Variants in TIPRL observed in about 807,000 individuals in gnomAD.
TIPRL encodes TIP41-like protein.
A neutral mutation model predicts 32.3 loss-of-function variants in TIPRL; 10 were observed. The observed-to-expected ratio is 0.31, with a 90% CI of 0.19 to 0.52. The LOEUF is 0.52. Ranked by LOEUF, TIPRL falls within the 20% of genes least tolerant of loss-of-function variation. TIPRL has a pLI of 0.96. For missense variants in TIPRL, 250 were observed against 328.1 expected (o/e 0.76, Z 1.84); for synonymous variants, 100 against 114.0 (o/e 0.88, Z 0.78).
At chr1:168,187,537 AGCTCAG>A (rs886687878) in intron 3 of TIPRL, among the ~76,000 whole-genome samples, 1 of 152,256 alleles carries the variant, frequency 6.6e-6, no homozygotes, top group African/African-American at 2.4e-5. Context: ...GGTGGTAATG[AGCTCAG>A]GCTTTGGCAA....
chr1:168,190,329 C>G (rs1179833319), intron 3 of TIPRL, among the ~76,000 whole-genome samples: 1 of 152,298 alleles, frequency 6.6e-6, no homozygotes, highest in East Asian at 1.9e-4. Context: ...TTTTTTACCT[C>G]CTGGAAATCA....
At chr1:168,197,269 G>A (rs767113971) in intron 5 of TIPRL, among the ~76,000 whole-genome samples, 3 of 143,118 alleles carry the variant, frequency 2.1e-5, no homozygotes, top group Non-Finnish European at 4.5e-5. Context: ...CAGTGACAGA[G>A]CAAGACCCTG....
At position 168,178,974 on chromosome 1, in the gene TIPRL, C is replaced by A; in HGVS notation, c.-104C>A. The A allele has an allele frequency of 9.6e-7, 1 of 1,039,682 alleles. No individual in the cohort carries two copies. Among genetic ancestry groups the A allele is most frequent in the Non-Finnish European group, 1.4e-6 (1 of 725,626 alleles). 64.4% of individuals were successfully genotyped at this position (1,039,682 alleles called of 1,614,324 possible). A position where few individuals can be genotyped will look rare whatever the true frequency, so the allele number is the denominator to read the frequency against. On this transcript the variant is annotated 5_prime_UTR_variant, in exon 1 of 7. Coordinates refer to ENST00000367833, the MANE Select transcript of TIPRL (RefSeq NM_152902.5). ...GGCGGGGCCGGGCATGGTAACGGCT[C>A]GGAAGCCTAGGAGGCTGGGCCGGAG... is the stretch of plus-strand genomic sequence containing the variant.
chr1:168,191,280 A>G, intron 3 of TIPRL, 89 bp from the exon 4 acceptor site: 2 of 1,259,884 alleles, frequency 1.6e-6, no homozygotes, highest in Admixed American at 2.9e-5. Context: ...AGACTGATTG[A>G]AAAAGAAAAG....
intron 4 of TIPRL, among the ~76,000 whole-genome samples, chr1:168,193,952 T>G (rs1212143522): frequency 6.6e-6 from 1 of 152,096 alleles, no homozygotes; most frequent in Non-Finnish European, 1.5e-5. Context: ...GCATATTGAG[T>G]CACCGTAAAT....
At position 168,199,894 on chromosome 1, in the gene TIPRL, A is replaced by G; in HGVS notation, c.676-9A>G. 1.2e-6 allele frequency: 2 copies of G among 1,609,690 alleles called. No individual in the cohort carries two copies. The highest frequency in any genetic ancestry group is 8.5e-7 in the Non-Finnish European group (1 of 1,178,220). ...CTGAATATGCTAATATGATTTATGTATTTCCTAGCATGTTCCACCTTCCCT... is the reference window on the plus strand; with the variant it reads ...CTGAATATGCTAATATGATTTATGTGTTTCCTAGCATGTTCCACCTTCCCT... On this transcript the variant is annotated splice_polypyrimidine_tract_variant and intron_variant, in intron 6 of 6. Transcript: ENST00000367833.
chr1:168,180,561 G>A (rs970936345), intron 1 of TIPRL, among the ~76,000 whole-genome samples: 2 of 152,178 alleles, frequency 1.3e-5, no homozygotes, highest in African/African-American at 4.8e-5. Context: ...AGAGGAAAAG[G>A]TCATAAAATA....
intron 3 of TIPRL, among the ~76,000 whole-genome samples, chr1:168,187,078 C>T (rs1476461898): frequency 6.6e-6 from 1 of 152,214 alleles, no homozygotes; most frequent in East Asian, 1.9e-4. Context: ...TGAGCTCTTG[C>T]TCTATGCCAG....
intron 3 of TIPRL, among the ~76,000 whole-genome samples, chr1:168,187,693 T>G (rs1330757348): frequency 6.6e-6 from 1 of 152,188 alleles, no homozygotes; most frequent in Non-Finnish European, 1.5e-5. Context: ...ATTATGTATG[T>G]AGGCTGGGTG....
chr1:168,186,660 A>G (rs1700031698), intron 3 of TIPRL, among the ~76,000 whole-genome samples: 1 of 151,158 alleles, frequency 6.6e-6, no homozygotes, highest in Non-Finnish European at 1.5e-5. Flanking sequence ...AGTGGTTCAC[A>G]CCTGTAATCC....
In TIPRL at chr1:168,201,550, C is replaced by T. The variant is rs939166066; in HGVS notation, c.*1504C>T. On this transcript the variant is annotated 3_prime_UTR_variant, in exon 7 of 7. Coordinates refer to ENST00000367833, the MANE Select transcript of TIPRL (RefSeq NM_152902.5). ...GGATTTTGTTGGCTTTAAGAAAACA[C>T]ATGGTATGTTCACTGTATATTAAAT... 1.3e-5 allele frequency: 2 copies of T among 151,988 alleles called. No homozygotes were observed. Among genetic ancestry groups the T allele is most frequent in the African/African-American group, 4.8e-5 (2 of 41,420 alleles). 9.4% of individuals were successfully genotyped at this position (151,988 alleles called of 1,614,324 possible).
rs1339646550 is a variant in TIPRL at position 168,179,156 on chromosome 1, A to G, written c.79A>G (p.Ile27Val). The G allele has an allele frequency of 6.2e-7, 1 of 1,614,026 alleles. No individual in the cohort carries two copies. Among genetic ancestry groups the G allele is most frequent in the Non-Finnish European group, 8.5e-7 (1 of 1,179,924 alleles). The change falls in exon 1 of 7, where the codon ATC (isoleucine) becomes GTC (valine). Residue 27 changes from isoleucine (I) to valine (V), a missense_variant. Physicochemically the swap from Ile to Val is conservative, Grantham distance 29. Transcript: ENST00000367833. Reference protein sequence around the residue: ...PWKLTASKTHIMKSADVEKLA... With the variant: ...PWKLTASKTHVMKSADVEKLA... ...GAAGCTGACGGCGTCCAAGACCCAC[A>G]TCATGAAGTCGGCGGATGTGGAGAA...
At chr1:168,189,038 T>A (rs917211398) in intron 3 of TIPRL, among the ~76,000 whole-genome samples, 1 of 151,732 alleles carries the variant, frequency 6.6e-6, no homozygotes, top group Non-Finnish European at 1.5e-5. Flanking sequence ...TCATCTCTGA[T>A]TTGGGAGGAA....
chr1:168,184,932 C>A, intron 3 of TIPRL, 54 bp downstream of exon 3: 2 of 1,142,942 alleles, frequency 1.7e-6, no homozygotes, highest in South Asian at 1.4e-5. Context: ...ACAGTCTGAG[C>A]ATTAGAACTT....
chr1:168,182,597 A>C (rs1699981759), intron 1 of TIPRL, among the ~76,000 whole-genome samples: 1 of 152,076 alleles, frequency 6.6e-6, no homozygotes, highest in Non-Finnish European at 1.5e-5. Context: ...TTGCACTCCA[A>C]CCTGGGCAAC....
At chr1:168,181,498 C>G (rs1405011599) in intron 1 of TIPRL, among the ~76,000 whole-genome samples, 1 of 151,728 alleles carries the variant, frequency 6.6e-6, no homozygotes, top group South Asian at 2.1e-4. Flanking sequence ...AGGCATAAGC[C>G]ACCGCACCCG....
chr1:168,192,416 A>G (rs894592589), intron 4 of TIPRL: 38 of 1,008,694 alleles, frequency 3.8e-5, no homozygotes, highest in Admixed American at 5.6e-5. Flanking sequence ...ATGGTTATTC[A>G]TATTTCTTTA....
intron 6 of TIPRL, 145 bp downstream of exon 6, chr1:168,199,126 T>C (rs934088385): frequency 1.5e-5 from 9 of 603,892 alleles, no homozygotes; most frequent in Non-Finnish European, 2.4e-5. Context: ...ATAAATTCTA[T>C]GGGAGCATAA....
rs749206057 is a variant in TIPRL, at chr1:168,183,957, G to A, written c.160G>A (p.Val54Ile). Residue 54 changes from valine to isoleucine, a missense_variant, in exon 2 of 7, where the codon GTT becomes ATT. Physicochemically the swap from Val to Ile is conservative, Grantham distance 29. Coordinates refer to ENST00000367833, the MANE Select transcript of TIPRL (RefSeq NM_152902.5). ...CCCTGAAATGATGTTTGGAGACAACGTTTTAAGAATCCAGCATGGGTCTGG... is the reference window on the plus strand; with the variant it reads ...CCCTGAAATGATGTTTGGAGACAACATTTTAAGAATCCAGCATGGGTCTGG... Reference protein sequence around the residue: ...SLPEMMFGDNVLRIQHGSGFG... With the variant: ...SLPEMMFGDNILRIQHGSGFG... 12 of 1,614,046 alleles carry A rather than the reference G, an allele frequency of 7.4e-6. No individual in the cohort carries two copies. Among genetic ancestry groups the A allele is most frequent in the Admixed American group, 1.7e-5 (1 of 60,014 alleles).
Sources: allele counts gnomAD v4.1 joint callset (sites outside exome capture counted in the v4.1 genomes callset), GRCh38; gene constraint gnomAD v4.1.1; transcripts MANE v1.5; gene names NCBI Gene and HGNC (gene_info 2026-07-23, HGNC 2026-07-21).